The following ATF7IP variants were observed in gnomAD, a reference collection of about 807,000 sequenced individuals.
The protein encoded by ATF7IP is activating transcription factor 7-interacting protein 1.
Under a neutral mutation model 106.4 loss-of-function variants are expected in ATF7IP, and 23 were observed. That is an observed-to-expected ratio of 0.22 (90% CI 0.16 to 0.31). The LOEUF is 0.31. Among genes scored for constraint, ATF7IP ranks in the 10% least tolerant of loss-of-function variants. The pLI, the probability that ATF7IP is intolerant of heterozygous loss-of-function variation, is 1.00. For synonymous variants in ATF7IP, 542 were observed against 539.0 expected (o/e 1.01, Z -0.08); for missense variants, 1,334 against 1,524.3 (o/e 0.88, Z 2.08).
intron 10 of ATF7IP, among the ~76,000 whole-genome samples, chr12:14,471,604 A>G (rs558832581): frequency 1.3e-5 from 2 of 152,260 alleles, no homozygotes; most frequent in South Asian, 4.1e-4. Flanking sequence ...GGGAGGCCTC[A>G]GGAAACTTAT....
Position 14,372,171 on chromosome 12 carries a change from C to A in ATF7IP, c.-8+6344C>A, listed in dbSNP as rs1262251380. ...TATTTAAACATTACTTTGCCATGTT[C>A]TTTCTCAGATTGTCCTGCCATCCAC... On this transcript the variant is annotated intron_variant, in intron 1 of 14. Coordinates refer to ENST00000261168, the MANE Select transcript of ATF7IP (RefSeq NM_018179.5). Among the ~76,000 whole-genome samples the A allele has an allele frequency of 2.6e-5, 4 of 152,054 alleles. No individual in the cohort carries two copies. The East Asian group carries it at 7.7e-4, about 29-fold the overall frequency.
chr12:14,495,034 A>G (rs1296085844), intron 13 of ATF7IP, among the ~76,000 whole-genome samples: 6 of 152,028 alleles, frequency 3.9e-5, no homozygotes, highest in Non-Finnish European at 1.5e-5. Flanking sequence ...TTGGAGGCCA[A>G]TGTTCCAGGG....
chr12:14,486,471 A>G (rs1565553521), intron 13 of ATF7IP, among the ~76,000 whole-genome samples: 2 of 152,134 alleles, frequency 1.3e-5, no homozygotes, highest in Admixed American at 6.5e-5. Flanking sequence ...CCTTCATTCA[A>G]GGGGTTCTTG....
At chr12:14,406,486 T>G (rs1940586341) in intron 1 of ATF7IP, among the ~76,000 whole-genome samples, 1 of 152,124 alleles carries the variant, frequency 6.6e-6, no homozygotes, top group African/African-American at 2.4e-5. Flanking sequence ...ATTGCTTTCC[T>G]TGCAATGAGG....
At chr12:14,386,476 A>G (rs1309807155) in intron 1 of ATF7IP, among the ~76,000 whole-genome samples, 2 of 152,170 alleles carry the variant, frequency 1.3e-5, no homozygotes, top group Non-Finnish European at 2.9e-5. Context: ...TATATGACAT[A>G]GAACAGTAAG....
At chr12:14,468,032 C>T (rs765796839) in intron 10 of ATF7IP, among the ~76,000 whole-genome samples, 2 of 151,296 alleles carry the variant, frequency 1.3e-5, no homozygotes, top group Non-Finnish European at 2.9e-5. Flanking sequence ...TTTGGGAGGC[C>T]GAGGCGGGCA....
At chr12:14,429,709 C>T (rs1318509377) in intron 2 of ATF7IP, among the ~76,000 whole-genome samples, 7 of 152,104 alleles carry the variant, frequency 4.6e-5, no homozygotes, top group Admixed American at 2.6e-4. Context: ...AATTTGTTGT[C>T]ACTGTTTATT....
At position 14,500,629 on chromosome 12, in the gene ATF7IP, G is replaced by T. The variant is rs1367607799; in HGVS notation, c.*2556G>T. Reference sequence around the variant, plus strand: ...AAAACTGAAGGCCCATGTTCAAATTGTTCTTTATTGGGTGTTTTTATGGTC... The same window carrying T: ...AAAACTGAAGGCCCATGTTCAAATTTTTCTTTATTGGGTGTTTTTATGGTC... On this transcript the variant is annotated 3_prime_UTR_variant, in exon 15 of 15. Coordinates refer to ENST00000261168, the MANE Select transcript of ATF7IP (RefSeq NM_018179.5). 6.6e-6 allele frequency: 1 copy of T among 152,124 alleles called. No individual in the cohort carries two copies. The highest frequency in any genetic ancestry group is 2.1e-4 in the South Asian group (1 of 4,834). The allele number at this position is 152,124 out of a possible 1,614,324, so 9.4% of individuals were successfully genotyped here.
chr12:14,481,087 A>G lies in ATF7IP; in HGVS notation c.3182A>G (p.Gln1061Arg), dbSNP rs376465819. 12 of 1,613,684 alleles carry G rather than the reference A, an allele frequency of 7.4e-6. No individual in the cohort carries two copies. Among genetic ancestry groups the G allele is most frequent in the Non-Finnish European group, 8.5e-6 (10 of 1,179,762 alleles). The part of the protein sequence containing the change: ...LPVPRAPANH[Q>R]VVYTTLPAPP... ...GTACCAAGAGCTCCTGCAAACCACC[A>G]GGTGGTTTATACAACTCTTCCTGCA... The change falls in exon 13 of 15, where the codon CAG becomes CGG. Residue 1061 changes from glutamine (Q) to arginine (R), a missense_variant. This residue lies in a region of ATF7IP where 370 missense variants were observed against 401.2 expected (regional missense o/e 0.92). Coordinates refer to ENST00000261168, the MANE Select transcript of ATF7IP (RefSeq NM_018179.5).
intron 1 of ATF7IP, among the ~76,000 whole-genome samples, chr12:14,380,683 C>T (rs1591762364): frequency 6.6e-6 from 1 of 152,184 alleles, no homozygotes; most frequent in African/African-American, 2.4e-5. Context: ...TGCACTGGCA[C>T]AATCTTGGCT....
At chr12:14,452,492 G>A (rs1009410425) in intron 6 of ATF7IP, among the ~76,000 whole-genome samples, 7 of 151,266 alleles carry the variant, frequency 4.6e-5, no homozygotes, top group African/African-American at 1.7e-4. Flanking sequence ...TTTACAGTTC[G>A]TTTTGTGTAT....
intron 14 of ATF7IP, among the ~76,000 whole-genome samples, chr12:14,497,128 A>C (rs2136882312): frequency 6.6e-6 from 1 of 152,306 alleles, no homozygotes; most frequent in South Asian, 2.1e-4. Flanking sequence ...TTCACAGTTG[A>C]GTTTAAATAT....
intron 13 of ATF7IP, among the ~76,000 whole-genome samples, chr12:14,495,259 T>C (rs1944979107): frequency 6.6e-6 from 1 of 152,230 alleles, no homozygotes; most frequent in Non-Finnish European, 1.5e-5. Flanking sequence ...GTTAATACTT[T>C]GTGTCCTTCA....
Position 14,403,033 on chromosome 12 carries a change from A to G in ATF7IP, c.-7-20876A>G, listed in dbSNP as rs953052945. 2.6e-5 allele frequency among the ~76,000 whole-genome samples: 4 copies of G among 152,018 alleles called. No homozygotes were observed. In the South Asian group the frequency reaches 8.3e-4, roughly 31 times the overall value. On this transcript the variant is annotated intron_variant, in intron 1 of 14. Coordinates refer to ENST00000261168, the MANE Select transcript of ATF7IP (RefSeq NM_018179.5). ...AGAGAAATGTCTGTGGTGTTTTATT[A>G]CTATGGTGTTTTTTTGTGTTTAAGA...
Position 14,460,627 on chromosome 12 carries a change from C to A in ATF7IP, c.2291C>A (p.Thr764Asn). 1 of 1,614,190 alleles carries A rather than the reference C, an allele frequency of 6.2e-7. No individual in the cohort carries two copies. The highest frequency in any genetic ancestry group is 8.5e-7 in the Non-Finnish European group (1 of 1,180,028). The change falls in exon 9 of 15, where the codon ACT becomes AAT. Residue 764 changes from threonine (T) to asparagine (N), a missense_variant. Physicochemically the swap from Thr to Asn is moderately conservative, Grantham distance 65. Coordinates refer to ENST00000261168, the MANE Select transcript of ATF7IP (RefSeq NM_018179.5). ...CCCAATACAGCTACTGTAGTTGCTA[C>A]TACTCAGGTGCCTAGTGGAAATCCC... ...PAPNTATVVA[T>N]TQVPSGNPQP...
Position 14,425,083 on chromosome 12 carries a change from A to G in ATF7IP, c.1168A>G (p.Met390Val). The G allele has an allele frequency of 1.3e-6, 2 of 1,592,672 alleles. No individual in the cohort carries two copies. Among genetic ancestry groups the G allele is most frequent in the Admixed American group, 1.9e-5 (1 of 53,570 alleles). ...ALGEDAISSS[M>V]EIDQGEKNED... The stretch of plus-strand genomic sequence containing the variant: ...TGGAGAAGATGCTATATCTAGCAGT[A>G]TGGAAATTGACCAAGGTGAAAAGAA... The change falls in exon 2 of 15, where the codon ATG (methionine) becomes GTG (valine). Residue 390 changes from methionine (M) to valine (V), a missense_variant. Physicochemically the swap from Met to Val is conservative, Grantham distance 21. Around this residue, in one of 10 missense-constraint regions of ATF7IP, gnomAD observed 438 missense variants for 405.3 expected, o/e 1.08. Coordinates refer to ENST00000261168, the MANE Select transcript of ATF7IP (RefSeq NM_018179.5).
At chr12:14,441,305 T>G (rs560171245) in intron 5 of ATF7IP, among the ~76,000 whole-genome samples, 1 of 152,218 alleles carries the variant, frequency 6.6e-6, no homozygotes, top group African/African-American at 2.4e-5. Context: ...CTCATTAGGG[T>G]TTTGATTTGC....
At chr12:14,368,682 C>T (rs534614919) in intron 1 of ATF7IP, among the ~76,000 whole-genome samples, 1 of 152,102 alleles carries the variant, frequency 6.6e-6, no homozygotes, top group East Asian at 1.9e-4. Flanking sequence ...AATAGTAGCT[C>T]ATTAACTTTT....
chr12:14,396,118 G>A (rs1181365774), intron 1 of ATF7IP, among the ~76,000 whole-genome samples: 3 of 152,122 alleles, frequency 2.0e-5, no homozygotes, highest in Admixed American at 6.6e-5. Flanking sequence ...TTGGAGGGTG[G>A]GTGAAGAGTT....
Sources: gnomAD v4.1 joint callset for allele counts (sites outside exome capture counted in the v4.1 genomes callset) on GRCh38, gnomAD v4.1.1 for gene constraint, gnomAD v4.1.1 regional missense constraint, MANE v1.5 for transcripts, NCBI Gene and HGNC (gene_info 2026-07-23, HGNC 2026-07-21) for gene names.